Variants in PRKG1 observed in about 807,000 individuals in gnomAD.
PRKG1 encodes the protein cGMP-dependent protein kinase 1.
PRKG1 carries 35 observed loss-of-function variants against 88.1 expected under a neutral mutation model. The observed-to-expected ratio is 0.40, with a 90% CI of 0.30 to 0.53. The LOEUF is 0.53. Ranked by LOEUF, PRKG1 falls within the 20% of genes least tolerant of loss-of-function variation. The pLI is 0.59. For synonymous variants in PRKG1, 303 were observed against 292.5 expected (o/e 1.04, Z -0.37); for missense variants, 540 against 839.8 (o/e 0.64, Z 4.41).
chr10:51,904,035 C>T (rs2132939227), intron 4 of PRKG1, among the ~76,000 whole-genome samples: 1 of 152,242 alleles, frequency 6.6e-6, no homozygotes, highest in South Asian at 2.1e-4. Flanking sequence ...CTATTATTGT[C>T]ATTACAAATT....
At chr10:52,147,186 A>G (rs1358869820) in intron 8 of PRKG1, among the ~76,000 whole-genome samples, 1 of 152,242 alleles carries the variant, frequency 6.6e-6, no homozygotes, top group Non-Finnish European at 1.5e-5. Flanking sequence ...GTAAAGGCCA[A>G]CAAGGTACCT....
chr10:51,357,921 T>C (rs1241490168), intron 2 of PRKG1, among the ~76,000 whole-genome samples: 1 of 152,056 alleles, frequency 6.6e-6, no homozygotes, highest in Non-Finnish European at 1.5e-5. Flanking sequence ...TTTTCATTAC[T>C]GTTCAATACA....
chr10:51,843,489 T>G (rs1002389047), intron 4 of PRKG1, among the ~76,000 whole-genome samples: 1 of 152,194 alleles, frequency 6.6e-6, no homozygotes, highest in African/African-American at 2.4e-5. Context: ...CTCAAGCCAG[T>G]CTTGTGACTG....
At chr10:52,117,164 CTGTGTGTGTGTGTG>C (rs71459438) in intron 7 of PRKG1, among the ~76,000 whole-genome samples, 10 of 139,200 alleles carry the variant, frequency 7.2e-5, no homozygotes, top group Admixed American at 4.4e-4. Context: ...TGTGAAATAT[CTGTGTGTGTGTGTG>C]TGTGTGTGTG....
intron 8 of PRKG1, among the ~76,000 whole-genome samples, chr10:52,143,461 T>C (rs10740422): frequency 1 from 152,054 of 152,292 alleles, 75,908 homozygotes; most frequent in Middle Eastern, 1. Context: ...GCCAAATGTC[T>C]CCTGTGGGGT....
intron 2 of PRKG1, among the ~76,000 whole-genome samples, chr10:51,255,259 G>T (rs1310858746): frequency 1.3e-5 from 2 of 152,060 alleles, no homozygotes; most frequent in Admixed American, 6.6e-5. Context: ...GCAAACAGAT[G>T]TCTTAATTTC....
chr10:51,080,643 A>G (rs546796277), intron 1 of PRKG1, among the ~76,000 whole-genome samples: 2 of 152,350 alleles, frequency 1.3e-5, no homozygotes, highest in African/African-American at 4.8e-5. Flanking sequence ...AAATAAGCAC[A>G]TGCTGAAAGC....
chr10:51,693,018 G>GGC (rs1344645143), intron 3 of PRKG1, among the ~76,000 whole-genome samples: 2 of 152,048 alleles, frequency 1.3e-5, no homozygotes, highest in African/African-American at 4.8e-5. Context: ...CAGGTGTGGT[G>GGC]GCTCACACCT....
intron 4 of PRKG1, among the ~76,000 whole-genome samples, chr10:51,889,304 G>T (rs139956418): frequency 0.011 from 1,608 of 146,734 alleles, 33 homozygotes; most frequent in African/African-American, 0.039. Flanking sequence ...GTGAGAACAC[G>T]CAGTGTTTGG....
intron 2 of PRKG1, among the ~76,000 whole-genome samples, chr10:51,459,939 G>A (rs952695780): frequency 1.3e-5 from 2 of 152,134 alleles, no homozygotes; most frequent in Non-Finnish European, 2.9e-5. Flanking sequence ...TTTGGTGGAA[G>A]TTAATATGAT....
intron 2 of PRKG1, among the ~76,000 whole-genome samples, chr10:51,213,677 A>G (rs1378066853): frequency 6.6e-6 from 1 of 152,162 alleles, no homozygotes; most frequent in African/African-American, 2.4e-5. Flanking sequence ...TTAAAATATT[A>G]TTTTCCTAAA....
intron 9 of PRKG1, among the ~76,000 whole-genome samples, chr10:52,215,001 T>C (rs1840073422): frequency 6.7e-6 from 1 of 149,992 alleles, no homozygotes; most frequent in Admixed American, 6.7e-5. Context: ...ATAATTCACA[T>C]GATTTTTTAT....
At chr10:52,045,663 C>A (rs1171690703) in intron 5 of PRKG1, among the ~76,000 whole-genome samples, 1 of 151,982 alleles carries the variant, frequency 6.6e-6, no homozygotes, top group Non-Finnish European at 1.5e-5. Context: ...CAGTGATGGA[C>A]AGGCTCTCTA....
intron 3 of PRKG1, among the ~76,000 whole-genome samples, chr10:51,802,646 G>T (rs1839203996): frequency 6.6e-6 from 1 of 152,074 alleles, no homozygotes; most frequent in African/African-American, 2.4e-5. Context: ...TATAAGAGAT[G>T]AGACAGGGAC....
chr10:51,509,013 T>C (rs1841313358), intron 3 of PRKG1, among the ~76,000 whole-genome samples: 1 of 152,174 alleles, frequency 6.6e-6, no homozygotes, highest in South Asian at 2.1e-4. Flanking sequence ...TGAGTTAAAA[T>C]TGTTAACACT....
intron 3 of PRKG1, among the ~76,000 whole-genome samples, chr10:51,707,589 CTT>C (rs397959919): frequency 6.8e-6 from 1 of 147,516 alleles, no homozygotes; most frequent in Non-Finnish European, 1.5e-5. Flanking sequence ...ACGCATGAAT[CTT>C]TTTTTTTTTT....
intron 5 of PRKG1, among the ~76,000 whole-genome samples, chr10:51,957,187 C>CT (rs1843330409): frequency 7.0e-6 from 1 of 143,420 alleles, no homozygotes. Flanking sequence ...TCCTTCCTTC[C>CT]TCCCTCCTTT....
At chr10:51,121,137 T>C (rs7922015) in intron 1 of PRKG1, among the ~76,000 whole-genome samples, 121,558 of 152,056 alleles carry the variant, frequency 0.8, 49,108 homozygotes, top group South Asian at 0.88. Flanking sequence ...CACTTACAAG[T>C]ATCGTGGTGA....
chr10:51,011,110 G>GC (rs770183618), intron 1 of PRKG1, among the ~76,000 whole-genome samples: 2 of 152,218 alleles, frequency 1.3e-5, no homozygotes, highest in Admixed American at 6.5e-5. Context: ...GGGCAGTAAC[G>GC]CCCCCACTGA....
Sources: allele counts gnomAD v4.1 joint callset (sites outside exome capture counted in the v4.1 genomes callset), GRCh38; gene constraint gnomAD v4.1.1; transcripts MANE v1.5; gene names NCBI Gene and HGNC (gene_info 2026-07-23, HGNC 2026-07-21).